LMNTD1: variants seen among roughly 807,000 people sequenced by gnomAD.
The protein encoded by LMNTD1 is lamin tail domain-containing protein 1.
In LMNTD1, 35 loss-of-function variants were observed where a neutral mutation model predicts 50.9. That is an observed-to-expected ratio of 0.69 (90% confidence interval 0.53 to 0.91). The LOEUF (loss-of-function observed/expected upper bound fraction) is 0.91. Ranked by LOEUF, LMNTD1 falls within the 40% of genes least tolerant of loss-of-function variation. The pLI is 0.00. For missense variants in LMNTD1, 470 were observed against 475.5 expected (o/e 0.99, Z 0.11); for synonymous variants, 153 against 161.9 (o/e 0.94, Z 0.42).
chr12:25,595,014 G>A (rs1038542703), intron 1 of LMNTD1, among the ~76,000 whole-genome samples: 4 of 152,090 alleles, frequency 2.6e-5, no homozygotes, highest in Non-Finnish European at 4.4e-5. Flanking sequence ...AAAAGGCCTT[G>A]TCCAACAGGA....
intron 1 of LMNTD1, among the ~76,000 whole-genome samples, chr12:25,646,704 G>A (rs1429695643): frequency 6.6e-6 from 1 of 152,088 alleles, no homozygotes; most frequent in Non-Finnish European, 1.5e-5. Flanking sequence ...CTGAACAGGT[G>A]GGCAAAACAA....
chr12:25,586,699 T>C (rs1014909850), intron 1 of LMNTD1, among the ~76,000 whole-genome samples: 44 of 152,140 alleles, frequency 2.9e-4, no homozygotes, highest in African/African-American at 1.1e-3. Flanking sequence ...GACATTAGAT[T>C]GGGGCTGACA....
chr12:25,540,907 T>C (rs1393572061), intron 4 of LMNTD1, among the ~76,000 whole-genome samples: 10 of 133,800 alleles, frequency 7.5e-5, no homozygotes, highest in Admixed American at 2.4e-4. Flanking sequence ...TGTGCAAAAA[T>C]CACAAGCATT....
intron 1 of LMNTD1, among the ~76,000 whole-genome samples, chr12:25,584,190 T>A (rs1041733668): frequency 6.6e-6 from 1 of 152,232 alleles, no homozygotes; most frequent in African/African-American, 2.4e-5. Context: ...GAGCTGCCAA[T>A]TTATATATAT....
chr12:25,630,342 C>T (rs377753905), intron 1 of LMNTD1, among the ~76,000 whole-genome samples: 8 of 152,094 alleles, frequency 5.3e-5, no homozygotes, highest in South Asian at 2.1e-4. Context: ...AGCTCTGACT[C>T]GGACAGACAG....
At chr12:25,556,867 C>A (rs1253562809), upstream of LMNTD1, among the ~76,000 whole-genome samples, 3 of 152,156 alleles carry the variant, frequency 2.0e-5, no homozygotes, top group African/African-American at 7.2e-5. Flanking sequence ...TTCTCTGCCT[C>A]CACATGTGGA....
In LMNTD1 at chr12:25,562,142, G is replaced by A. The variant is rs145060714; in HGVS notation, c.59-15588C>T. Among the ~76,000 whole-genome samples the A allele has an allele frequency of 3.9e-3, 591 of 152,136 alleles. 3 individuals carry two copies. The highest frequency in any genetic ancestry group is 0.013 in the African/African-American group (557 of 41,504). On this transcript the variant is annotated intron_variant, in intron 1 of 7. Transcript: ENST00000445693. ...GAACATTTAGCCCATTTACATTTAAGGTTAATATTGTTATGTGTGAATTTG... is the reference window on the plus strand; with the variant it reads ...GAACATTTAGCCCATTTACATTTAAAGTTAATATTGTTATGTGTGAATTTG...
intron 1 of LMNTD1, among the ~76,000 whole-genome samples, chr12:25,628,498 G>A (rs1946644850): frequency 6.6e-6 from 1 of 152,022 alleles, no homozygotes; most frequent in African/African-American, 2.4e-5. Flanking sequence ...CTTCCCCCAA[G>A]ATGTTTACAT....
intron 1 of LMNTD1, among the ~76,000 whole-genome samples, chr12:25,589,738 C>A (rs774074783): frequency 1.3e-5 from 2 of 152,200 alleles, no homozygotes; most frequent in Non-Finnish European, 2.9e-5. Flanking sequence ...CACAAATATT[C>A]TCCACAGAAT....
At chr12:25,609,688 T>C (rs910246702) in intron 1 of LMNTD1, among the ~76,000 whole-genome samples, 2 of 152,180 alleles carry the variant, frequency 1.3e-5, no homozygotes, top group African/African-American at 4.8e-5. Flanking sequence ...ACAGAAAATA[T>C]TGCTGCCTGA....
chr12:25,605,355 C>G (rs1946073534), intron 1 of LMNTD1, among the ~76,000 whole-genome samples: 2 of 152,176 alleles, frequency 1.3e-5, no homozygotes, highest in South Asian at 4.1e-4. Context: ...AATTAGATCC[C>G]ATTTGTCAAT....
chr12:25,559,712 T>G (rs1944206669), intron 1 of LMNTD1, among the ~76,000 whole-genome samples: 1 of 152,178 alleles, frequency 6.6e-6, no homozygotes, highest in African/African-American at 2.4e-5. Context: ...AACCTGTTGT[T>G]TCCTGACTTT....
At chr12:25,583,168 C>T (rs1019783028) in intron 1 of LMNTD1, among the ~76,000 whole-genome samples, 19 of 149,900 alleles carry the variant, frequency 1.3e-4, no homozygotes, top group Non-Finnish European at 2.8e-4. Context: ...ACTACAGGTG[C>T]CCGCCACTGC....
intron 9 of LMNTD1, among the ~76,000 whole-genome samples, 155 bp from the exon 10 acceptor site, chr12:25,476,615 AAAG>A (rs1200061368): frequency 6.6e-6 from 1 of 152,252 alleles, no homozygotes; most frequent in Non-Finnish European, 1.5e-5. Context: ...TAAAGAAATC[AAAG>A]AAGAAAGAGA....
At chr12:25,584,664 A>T (rs574516655) in intron 1 of LMNTD1, among the ~76,000 whole-genome samples, 1 of 152,272 alleles carries the variant, frequency 6.6e-6, no homozygotes, top group African/African-American at 2.4e-5. Context: ...ACATCTGCAA[A>T]GAATGATTCC....
At chr12:25,484,014 C>T (rs1189567572) in intron 9 of LMNTD1, among the ~76,000 whole-genome samples, 2 of 151,740 alleles carry the variant, frequency 1.3e-5, no homozygotes, top group African/African-American at 4.9e-5. Flanking sequence ...TCAAACTTGA[C>T]AGATGACTGA....
Position 25,479,242 on chromosome 12 carries a change from GAACT to G in LMNTD1, c.*23-2786_*23-2783del, listed in dbSNP as rs370394460. ...ACTGGTGGAAGCATTCCTCCTTCTG[GAACT>G]AAGACCTCTAGACTAGCAGAACGTA... On this transcript the variant is annotated intron_variant, in intron 9 of 9. Coordinates refer to ENST00000458174, the MANE Select transcript of LMNTD1 (RefSeq NM_001145728.2). Among the ~76,000 whole-genome samples, 75 of 152,172 alleles carry G rather than the reference GAACT, an allele frequency of 4.9e-4. 1 individual carries two copies. In the East Asian group the frequency reaches 0.011, roughly 22 times the overall value.
chr12:25,556,045 T>G (rs146373683), upstream of LMNTD1, among the ~76,000 whole-genome samples: 407 of 139,134 alleles, frequency 2.9e-3, 4 homozygotes, highest in African/African-American at 0.01. Context: ...CAATCTCGGC[T>G]CACTGCAACC....
intron 9 of LMNTD1, among the ~76,000 whole-genome samples, chr12:25,490,988 C>A (rs1308259189): frequency 6.6e-6 from 1 of 152,176 alleles, no homozygotes; most frequent in Non-Finnish European, 1.5e-5. Flanking sequence ...AAAGTGAAAT[C>A]AATAATTGAC....
Sources: gnomAD v4.1 joint callset for allele counts (sites outside exome capture counted in the v4.1 genomes callset) on GRCh38, gnomAD v4.1.1 for gene constraint, MANE v1.5 for transcripts, NCBI Gene and HGNC (gene_info 2026-07-23, HGNC 2026-07-21) for gene names.